Variants in MACROD2 observed in about 807,000 individuals in gnomAD.
MACROD2 encodes mono-ADP ribosylhydrolase 2.
In MACROD2, 36 loss-of-function variants were observed where a neutral mutation model predicts 70.4. The observed-to-expected ratio is 0.51, with a 90% CI of 0.39 to 0.68. MACROD2 has a LOEUF of 0.68. Among genes scored for constraint, MACROD2 ranks in the 30% least tolerant of loss-of-function variants. MACROD2 has a pLI of 0.00. For missense variants in MACROD2, 496 were observed against 538.4 expected (o/e 0.92, Z 0.78); for synonymous variants, 172 against 178.8 (o/e 0.96, Z 0.30).
chr20:14,824,927 G>A (rs754961742), intron 5 of MACROD2, among the ~76,000 whole-genome samples: 6 of 151,998 alleles, frequency 3.9e-5, no homozygotes, highest in African/African-American at 1.2e-4. Flanking sequence ...GGTCTTATTC[G>A]TCCCATTTTC....
intron 4 of MACROD2, among the ~76,000 whole-genome samples, chr20:14,513,248 C>G (rs2085050821): frequency 6.6e-6 from 1 of 152,056 alleles, no homozygotes; most frequent in South Asian, 2.1e-4. Context: ...TTAGAGACTT[C>G]TCAGTTACTG....
At chr20:14,997,045 T>C (rs2074955997) in intron 5 of MACROD2, among the ~76,000 whole-genome samples, 2 of 152,160 alleles carry the variant, frequency 1.3e-5, no homozygotes, top group Non-Finnish European at 2.9e-5. Flanking sequence ...GCACATGACC[T>C]AGTGAGACAC....
intron 5 of MACROD2, among the ~76,000 whole-genome samples, chr20:14,804,227 C>T (rs946057423): frequency 4.6e-5 from 7 of 151,724 alleles, no homozygotes; most frequent in South Asian, 2.1e-4. Context: ...AGGAATAGGT[C>T]GTTATTTGGC....
At chr20:15,759,955 C>T (rs1480300516) in intron 8 of MACROD2, among the ~76,000 whole-genome samples, 1 of 152,126 alleles carries the variant, frequency 6.6e-6, no homozygotes, top group African/African-American at 2.4e-5. Context: ...TGAATTTTTG[C>T]CGCGTAAAGC....
chr20:15,769,811 G>A (rs1281688852), intron 8 of MACROD2, among the ~76,000 whole-genome samples: 1 of 152,136 alleles, frequency 6.6e-6, no homozygotes, highest in African/African-American at 2.4e-5. Flanking sequence ...TCTAAAATTT[G>A]TATTTGAGAG....
At chr20:16,043,215 T>C (rs1347032834) in intron 16 of MACROD2, among the ~76,000 whole-genome samples, 1 of 152,034 alleles carries the variant, frequency 6.6e-6, no homozygotes, top group African/African-American at 2.4e-5. Context: ...CATGGCTAAC[T>C]AGAAGTGGGG....
chr20:15,150,013 C>A (rs945265799), intron 5 of MACROD2, among the ~76,000 whole-genome samples: 1 of 150,936 alleles, frequency 6.6e-6, no homozygotes, highest in African/African-American at 2.4e-5. Context: ...GCAAAAGTAT[C>A]CAACCATGCC....
intron 5 of MACROD2, among the ~76,000 whole-genome samples, chr20:14,722,468 C>G (rs1246275967): frequency 6.6e-6 from 1 of 152,176 alleles, no homozygotes; most frequent in Non-Finnish European, 1.5e-5. Context: ...TTTTCTTTCC[C>G]CCTGTACTTT....
chr20:15,478,284 G>A (rs1334430467), intron 7 of MACROD2, among the ~76,000 whole-genome samples: 2 of 152,186 alleles, frequency 1.3e-5, no homozygotes, highest in East Asian at 3.8e-4. Context: ...ATCACTTACT[G>A]GATAAGGATT....
intron 8 of MACROD2, chr20:15,619,955 C>T (rs1332446948): frequency 6.6e-6 from 1 of 152,356 alleles, no homozygotes; most frequent in Non-Finnish European, 1.5e-5. Context: ...GGTTGCTCCT[C>T]ATCAGTCATC....
rs2048618851 is a variant in MACROD2, at chr20:15,587,512, C to G, written c.645+87665C>G. On this transcript the variant is annotated intron_variant, in intron 8 of 17. Transcript: ENST00000684519. The stretch of plus-strand genomic sequence containing the variant: ...CAGCATTAACCCAAAAGTCCACAGT[C>G]CAAAGTCTCATCTGACGGACAAGGC... Among the ~76,000 whole-genome samples the G allele has an allele frequency of 2.6e-5, 4 of 152,310 alleles. No homozygotes were observed. In the South Asian group the frequency reaches 8.3e-4, roughly 32 times the overall value.
rs533870089 is a variant in MACROD2, at chr20:15,465,855, T to A, written c.572-33919T>A. ...TTCGTACCCTGTGGAGGAAGGTGAC[T>A]TCCATGGCCACACCTCTTATACCAT... is the stretch of plus-strand genomic sequence containing the variant. On this transcript the variant is annotated intron_variant, in intron 7 of 17. Transcript: ENST00000684519. Among the ~76,000 whole-genome samples, 15 of 152,326 alleles carry A rather than the reference T, an allele frequency of 9.8e-5. No homozygotes were observed. In the South Asian group the frequency reaches 2.9e-3, roughly 29 times the overall value.
chr20:15,094,222 T>C (rs986072173), intron 5 of MACROD2, among the ~76,000 whole-genome samples: 1 of 152,206 alleles, frequency 6.6e-6, no homozygotes, highest in African/African-American at 2.4e-5. Context: ...CTTTAATGAA[T>C]ACAAAGCTTT....
intron 3 of MACROD2, among the ~76,000 whole-genome samples, chr20:14,463,029 G>A (rs992420486): frequency 6.6e-6 from 1 of 152,050 alleles, no homozygotes; most frequent in Non-Finnish European, 1.5e-5. Context: ...CTGTATTTTG[G>A]TTCCATATGA....
intron 8 of MACROD2, among the ~76,000 whole-genome samples, chr20:15,828,456 C>T (rs562366967): frequency 1.3e-5 from 2 of 152,276 alleles, no homozygotes; most frequent in African/African-American, 4.8e-5. Flanking sequence ...TACTCTACTT[C>T]CGTTCAAAGG....
intron 3 of MACROD2, among the ~76,000 whole-genome samples, chr20:14,481,453 G>C (rs1267858503): frequency 6.6e-6 from 1 of 152,060 alleles, no homozygotes; most frequent in African/African-American, 2.4e-5. Flanking sequence ...AATAATGTTA[G>C]TAAATAATAT....
At chr20:15,378,283 G>GAAAAA (rs11087133) in intron 6 of MACROD2, among the ~76,000 whole-genome samples, 1 of 87,540 alleles carries the variant, frequency 1.1e-5, no homozygotes, top group Non-Finnish European at 2.4e-5. Context: ...CAATAAAATT[G>GAAAAA]AAAAAAAAAA....
At chr20:14,101,926 A>C (rs2054306579) in intron 3 of MACROD2, among the ~76,000 whole-genome samples, 1 of 150,378 alleles carries the variant, frequency 6.6e-6, no homozygotes, top group African/African-American at 2.4e-5. Flanking sequence ...TTGACTGAGC[A>C]CTTAAGTTCA....
intron 3 of MACROD2, among the ~76,000 whole-genome samples, chr20:14,333,236 T>C (rs996900260): frequency 3.9e-5 from 6 of 152,190 alleles, no homozygotes; most frequent in African/African-American, 1.2e-4. Context: ...AAATAGAGGA[T>C]AAAATTTCCA....
Sources: gnomAD v4.1 joint callset for allele counts (sites outside exome capture counted in the v4.1 genomes callset) on GRCh38, gnomAD v4.1.1 for gene constraint, MANE v1.5 for transcripts, NCBI Gene and HGNC (gene_info 2026-07-23, HGNC 2026-07-21) for gene names.